The following FBXL20 variants were observed in gnomAD, a reference collection of about 807,000 sequenced individuals.
FBXL20 encodes the protein F-box and leucine rich repeat protein 20.
A neutral mutation model predicts 64.0 loss-of-function variants in FBXL20; 11 were observed. The observed-to-expected ratio is 0.17, with a 90% CI of 0.11 to 0.28. The LOEUF (loss-of-function observed/expected upper bound fraction) is 0.28, where lower values mean the gene tolerates loss of function less well. FBXL20 is among the 10% of genes least tolerant of loss of function. The probability of loss-of-function intolerance (pLI) is 1.00; values close to 1 mark genes in which losing one functional copy is unlikely to be tolerated. For missense variants in FBXL20, 303 were observed against 526.2 expected (o/e 0.58, Z 4.15); for synonymous variants, 184 against 189.0 (o/e 0.97, Z 0.22).
intron 2 of FBXL20, among the ~76,000 whole-genome samples, chr17:39,334,274 T>C (rs2047497639): frequency 1.3e-5 from 2 of 152,100 alleles, no homozygotes; most frequent in Non-Finnish European, 2.9e-5. Context: ...GAAGGCAGCA[T>C]GCTTGTTAAG....
rs1388556077 is a variant in FBXL20 at position 39,333,682 on chromosome 17, T to TC, written c.104+9497dup. Among the ~76,000 whole-genome samples, 29 of 144,280 alleles carry TC rather than the reference T, an allele frequency of 2.0e-4. No homozygotes were observed. In the South Asian group the frequency reaches 6.6e-3, roughly 33 times the overall value. The allele number at this position is 144,280 out of a possible 152,430, so 94.7% of individuals were successfully genotyped here. A position where few individuals can be genotyped will look rare whatever the true frequency, so the allele number is the denominator to read the frequency against. On this transcript the variant is annotated intron_variant, in intron 2 of 14. Transcript: ENST00000264658. ...GTGGAGCGCCTCTTCCCGGCCGTCA[T>TC]CCCGTCTAGGAAGTGAGGAGCGTCT...
At chr17:39,285,114 C>T (rs2046977818) in intron 7 of FBXL20, among the ~76,000 whole-genome samples, 1 of 152,090 alleles carries the variant, frequency 6.6e-6, no homozygotes, top group Non-Finnish European at 1.5e-5. Context: ...CCATGTTGGC[C>T]AGGATGGTCT....
At chr17:39,339,185 A>AG (rs386386043) in intron 2 of FBXL20, among the ~76,000 whole-genome samples, 102 of 151,302 alleles carry the variant, frequency 6.7e-4, no homozygotes, top group African/African-American at 2.4e-3. Context: ...AAAAAAAAAA[A>AG]AGACCAGCCT....
At chr17:39,271,988 C>G (rs935574216) in intron 10 of FBXL20, among the ~76,000 whole-genome samples, 5 of 152,120 alleles carry the variant, frequency 3.3e-5, no homozygotes, top group African/African-American at 9.7e-5. Flanking sequence ...GTGGCTCACA[C>G]CTATAATCCC....
At position 39,255,062 on chromosome 17, in the gene FBXL20, T is replaced by C. The variant is rs920715621; in HGVS notation, c.*6398A>G. ...ACTCTCTTGGGCTCCAAAGATCAAC[T>C]CAGCTTCACCTAAGAGGTTATGTAC... On this transcript the variant is annotated 3_prime_UTR_variant, in exon 15 of 15. Transcript: ENST00000264658. 1 of 152,234 alleles carries C rather than the reference T, an allele frequency of 6.6e-6. No individual in the cohort carries two copies. The highest frequency in any genetic ancestry group is 2.4e-5 in the African/African-American group (1 of 41,454). 9.4% of individuals were successfully genotyped at this position (152,234 alleles called of 1,614,324 possible). A position where few individuals can be genotyped will look rare whatever the true frequency, so the allele number is the denominator to read the frequency against.
chr17:39,402,214 G>A (rs2048255004), upstream of FBXL20: 1 of 1,232,000 alleles, frequency 8.1e-7, no homozygotes, highest in African/African-American at 1.6e-5. Flanking sequence ...TCCCTGCTCG[G>A]AGCCATTTTC....
At chr17:39,275,405 A>T (rs376748898) in intron 9 of FBXL20, among the ~76,000 whole-genome samples, 3 of 151,474 alleles carry the variant, frequency 2.0e-5, no homozygotes, top group African/African-American at 4.9e-5. Context: ...AAATAATTTT[A>T]TTTATTTATT....
At chr17:39,330,837 T>C (rs1438235347) in intron 2 of FBXL20, among the ~76,000 whole-genome samples, 1 of 152,138 alleles carries the variant, frequency 6.6e-6, no homozygotes, top group Non-Finnish European at 1.5e-5. Flanking sequence ...AATAACATCC[T>C]ACAGAGAGGC....
chr17:39,325,996 T>C (rs936867306), intron 2 of FBXL20, among the ~76,000 whole-genome samples: 22 of 152,190 alleles, frequency 1.4e-4, no homozygotes, highest in African/African-American at 5.3e-4. Flanking sequence ...GGCTTAGTAC[T>C]ACCCCCTTAA....
At chr17:39,321,425 C>T (rs1298287899) in intron 2 of FBXL20, among the ~76,000 whole-genome samples, 1 of 146,952 alleles carries the variant, frequency 6.8e-6, no homozygotes, top group Non-Finnish European at 1.5e-5. Context: ...AAGATTGCAC[C>T]ATTGCACTCC....
At chr17:39,385,930 T>A (rs981882211) in intron 1 of FBXL20, among the ~76,000 whole-genome samples, 2 of 147,660 alleles carry the variant, frequency 1.4e-5, no homozygotes, top group Non-Finnish European at 3.0e-5. Flanking sequence ...CTCAGGAGGC[T>A]GAGGCAGGAG....
At chr17:39,381,687 G>A (rs1006356094) in intron 1 of FBXL20, among the ~76,000 whole-genome samples, 1 of 151,770 alleles carries the variant, frequency 6.6e-6, no homozygotes, top group Non-Finnish European at 1.5e-5. Flanking sequence ...GCTACTCAGG[G>A]GGCTGAGGTG....
chr17:39,372,947 A>C (rs2047932626), intron 1 of FBXL20, among the ~76,000 whole-genome samples: 1 of 152,126 alleles, frequency 6.6e-6, no homozygotes, highest in South Asian at 2.1e-4. Flanking sequence ...CCCAAAGGAT[A>C]ACAAAACTGA....
intron 2 of FBXL20, among the ~76,000 whole-genome samples, chr17:39,333,136 C>T (rs1469105761): frequency 2.0e-5 from 3 of 151,686 alleles, no homozygotes; most frequent in Non-Finnish European, 2.9e-5. Flanking sequence ...TCAGCTCTCC[C>T]TCTCCCTCTC....
At chr17:39,312,625 G>A (rs1443637556) in intron 2 of FBXL20, among the ~76,000 whole-genome samples, 2 of 124,808 alleles carry the variant, frequency 1.6e-5, no homozygotes, top group Admixed American at 9.0e-5. Flanking sequence ...CTGGGCTGGA[G>A]TGCAGTGGCA....
intron 3 of FBXL20, among the ~76,000 whole-genome samples, chr17:39,302,939 T>C (rs1413233553): frequency 6.6e-6 from 1 of 151,344 alleles, no homozygotes; most frequent in Non-Finnish European, 1.5e-5. Context: ...TGAGACAGAG[T>C]CTCGCTCTGT....
chr17:39,355,855 C>CAAA (rs746086439), intron 1 of FBXL20, among the ~76,000 whole-genome samples: 2,565 of 66,510 alleles, frequency 0.039, 222 homozygotes, highest in African/African-American at 0.12. Flanking sequence ...GACTTCGTCT[C>CAAA]AAAAAAAAAA....
At chr17:39,349,866 G>A (rs2047670819) in intron 1 of FBXL20, among the ~76,000 whole-genome samples, 1 of 151,676 alleles carries the variant, frequency 6.6e-6, no homozygotes, top group South Asian at 2.1e-4. Context: ...AACCCGGGAG[G>A]CGGAGCTTGC....
chr17:39,386,254 C>A (rs891405891), intron 1 of FBXL20, among the ~76,000 whole-genome samples: 2 of 151,934 alleles, frequency 1.3e-5, no homozygotes, highest in Admixed American at 6.6e-5. Context: ...TTGCAGTGAG[C>A]GGAGATCGCG....
Sources: allele counts gnomAD v4.1 joint callset (sites outside exome capture counted in the v4.1 genomes callset), GRCh38; gene constraint gnomAD v4.1.1; transcripts MANE v1.5; gene names NCBI Gene and HGNC (gene_info 2026-07-23, HGNC 2026-07-21).